Variants in ZNF131 observed in about 807,000 individuals in gnomAD.
ZNF131 encodes the protein zinc finger protein 131.
A neutral mutation model predicts 60.0 loss-of-function variants in ZNF131; 7 were observed. That is an observed-to-expected ratio of 0.12 (90% confidence interval 0.07 to 0.22). The LOEUF is 0.22. ZNF131 is among the 10% of genes least tolerant of loss of function. ZNF131 has a pLI of 1.00. For synonymous variants in ZNF131, 257 were observed against 253.2 expected (o/e 1.01, Z -0.14); for missense variants, 493 against 740.9 (o/e 0.67, Z 3.88).
At chr5:43,164,102 T>G (rs1220061749) in intron 5 of ZNF131, among the ~76,000 whole-genome samples, 1 of 152,226 alleles carries the variant, frequency 6.6e-6, no homozygotes, top group African/African-American at 2.4e-5. Flanking sequence ...GCTTTCTGAT[T>G]GCAAACATGT....
chr5:43,152,366 C>A (rs962210467), intron 4 of ZNF131, among the ~76,000 whole-genome samples: 5 of 152,162 alleles, frequency 3.3e-5, no homozygotes, highest in Non-Finnish European at 7.3e-5. Flanking sequence ...CTGTCCACCT[C>A]ATGGACTGAT....
chr5:43,146,663 T>G (rs958828391), intron 4 of ZNF131, among the ~76,000 whole-genome samples: 1 of 151,758 alleles, frequency 6.6e-6, no homozygotes, highest in Admixed American at 6.6e-5. Flanking sequence ...TCCTAGCACT[T>G]TGGAAGGCCG....
intron 3 of ZNF131, among the ~76,000 whole-genome samples, chr5:43,137,078 A>T (rs1204009251): frequency 6.6e-6 from 1 of 152,210 alleles, no homozygotes; most frequent in African/African-American, 2.4e-5. Context: ...TGAATTGGAG[A>T]CTTAGACATA....
Position 43,161,429 on chromosome 5 carries a change from C to G in ZNF131, c.552C>G (p.Ile184Met), listed in dbSNP as rs542955145. Reference protein sequence around the residue: ...EGTIEVEDEGIETLEEVASAK... With the variant: ...EGTIEVEDEGMETLEEVASAK... Reference sequence around the variant, plus strand: ...CCATTGAAGTGGAAGATGAAGGCATCGAAACATTAGAGGAAGTGGCTTCTG... The same window carrying G: ...CCATTGAAGTGGAAGATGAAGGCATGGAAACATTAGAGGAAGTGGCTTCTG... The change falls in exon 5 of 7, where the codon ATC (isoleucine) becomes ATG (methionine). Residue 184 changes from isoleucine to methionine, a missense_variant. Transcript: ENST00000682664. 10 of 1,614,202 alleles carry G rather than the reference C, an allele frequency of 6.2e-6. No individual in the cohort carries two copies. Among genetic ancestry groups the G allele is most frequent in the Non-Finnish European group, 8.5e-6 (10 of 1,180,044 alleles).
chr5:43,172,856 G>T (rs1050490943), intron 5 of ZNF131, among the ~76,000 whole-genome samples: 1 of 151,730 alleles, frequency 6.6e-6, no homozygotes, highest in Non-Finnish European at 1.5e-5. Flanking sequence ...TTATTTTCAT[G>T]TATTTCATCT....
rs180992355 is a variant in ZNF131 at position 43,125,706 on chromosome 5, G to C, written c.226+2396G>C. On this transcript the variant is annotated intron_variant, in intron 3 of 6. Transcript: ENST00000682664. ...CGAGGCAGGAGAATCGCTTGAACCC[G>C]GGAGGCGGAGGTTGTAGCGAGCTGA... 5.1e-4 allele frequency among the ~76,000 whole-genome samples: 78 copies of C among 151,976 alleles called. 2 individuals are homozygous for C. The highest frequency in any genetic ancestry group is 1.6e-3 in the Admixed American group (25 of 15,274).
At chr5:43,169,041 C>A (rs190502169) in intron 5 of ZNF131, among the ~76,000 whole-genome samples, 1 of 152,282 alleles carries the variant, frequency 6.6e-6, no homozygotes, top group Admixed American at 6.5e-5. Flanking sequence ...AACCTTTAGC[C>A]ATGTTTTCAA....
chr5:43,173,167 A>C, intron 5 of ZNF131, 151 bp from the exon 6 acceptor site: 2 of 800,004 alleles, frequency 2.5e-6, no homozygotes, highest in Non-Finnish European at 1.9e-6. Flanking sequence ...AGTCTTTGGA[A>C]TATGGTGAAA....
intron 3 of ZNF131, among the ~76,000 whole-genome samples, chr5:43,134,693 C>CTTTTTTTTTTTTTTTTTTTTTTTT (rs149464238): frequency 1.1e-5 from 1 of 88,408 alleles, no homozygotes; most frequent in Admixed American, 1.7e-4. Context: ...TTCTTTTTTT[C>CTTTTTTTTTTTTTTTTTTTTTTTT]TTTTTTTTTT....
At position 43,157,031 on chromosome 5, in the gene ZNF131, G is replaced by T. The variant is rs892000646; in HGVS notation, c.372-4218G>T. On this transcript the variant is annotated intron_variant, in intron 4 of 6. Coordinates refer to ENST00000682664, the MANE Select transcript of ZNF131 (RefSeq NM_001330707.2). ...GGATCCTTTTCTCATTCCCTGGTGA[G>T]AATCTTCATCAGCATTGTAAACCCA... Among the ~76,000 whole-genome samples, 10 of 152,160 alleles carry T rather than the reference G, an allele frequency of 6.6e-5. 1 individual carries two copies. The highest frequency in any genetic ancestry group is 2.2e-4 in the African/African-American group (9 of 41,438).
At chr5:43,128,426 C>T (rs1265800199) in intron 3 of ZNF131, among the ~76,000 whole-genome samples, 4 of 151,762 alleles carry the variant, frequency 2.6e-5, no homozygotes, top group Non-Finnish European at 5.9e-5. Flanking sequence ...GGAGGCCGAG[C>T]GGGCGGATCA....
chr5:43,153,043 C>G (rs1748519800), intron 4 of ZNF131, among the ~76,000 whole-genome samples: 1 of 152,116 alleles, frequency 6.6e-6, no homozygotes, highest in Admixed American at 6.5e-5. Context: ...GACCTTTCAT[C>G]TGGTAAGGTC....
chr5:43,169,875 C>T (rs188231252), intron 5 of ZNF131, among the ~76,000 whole-genome samples: 12 of 151,886 alleles, frequency 7.9e-5, no homozygotes, highest in African/African-American at 2.7e-4. Context: ...ACTGCAACCT[C>T]CGTCTTCTGG....
chr5:43,127,506 C>T (rs1744701466), intron 3 of ZNF131, among the ~76,000 whole-genome samples: 1 of 152,234 alleles, frequency 6.6e-6, no homozygotes, highest in Non-Finnish European at 1.5e-5. Flanking sequence ...TTGAGCAGCA[C>T]TGCCCTAGCA....
chr5:43,148,117 A>G (rs929229470), intron 4 of ZNF131, among the ~76,000 whole-genome samples: 2 of 150,178 alleles, frequency 1.3e-5, no homozygotes, highest in Non-Finnish European at 3.0e-5. Context: ...CATGCCTATA[A>G]TCCTAGCACT....
chr5:43,156,346 C>G (rs1339868168), intron 4 of ZNF131, among the ~76,000 whole-genome samples: 1 of 152,138 alleles, frequency 6.6e-6, no homozygotes, highest in Non-Finnish European at 1.5e-5. Context: ...CTCCAGTATA[C>G]TTGGATGAGT....
chr5:43,126,298 G>T (rs1026990038), intron 3 of ZNF131, among the ~76,000 whole-genome samples: 9 of 152,086 alleles, frequency 5.9e-5, no homozygotes, highest in Non-Finnish European at 1.0e-4. Flanking sequence ...TCACTTTAGC[G>T]GGCAGTTAAC....
At position 43,175,296 on chromosome 5, in the gene ZNF131, C is replaced by G. The variant is rs1011106618; in HGVS notation, c.*163C>G. 238 of 742,284 alleles carry G rather than the reference C, an allele frequency of 3.2e-4. No homozygotes were observed. Among genetic ancestry groups the G allele is most frequent in the Non-Finnish European group, 8.9e-5 (40 of 451,112 alleles). The allele number at this position is 742,284 out of a possible 1,614,324, so 46.0% of individuals were successfully genotyped here. On this transcript the variant is annotated 3_prime_UTR_variant, in exon 7 of 7. Coordinates refer to ENST00000682664, the MANE Select transcript of ZNF131 (RefSeq NM_001330707.2). ...GTTGAAACACATTGATTCCCCTCCC[C>G]CTACTTATTGCCACAGAGGAGGGAT...
chr5:43,135,957 A>G (rs1473877069), intron 3 of ZNF131, among the ~76,000 whole-genome samples: 1 of 152,142 alleles, frequency 6.6e-6, no homozygotes, highest in African/African-American at 2.4e-5. Context: ...TCTACTAAAA[A>G]TATAAAAATT....
Sources: gnomAD v4.1 joint callset for allele counts (sites outside exome capture counted in the v4.1 genomes callset) on GRCh38, gnomAD v4.1.1 for gene constraint, MANE v1.5 for transcripts, NCBI Gene and HGNC (gene_info 2026-07-23, HGNC 2026-07-21) for gene names.